Variants in CCBE1 observed in about 807,000 individuals in gnomAD.
CCBE1 encodes the protein collagen and calcium-binding EGF domain-containing protein 1.
In CCBE1, 37 loss-of-function variants were observed where a neutral mutation model predicts 50.0. The ratio of observed to expected loss-of-function variants is 0.74; its 90% confidence interval spans 0.57 to 0.97. The LOEUF is 0.97. CCBE1 is among the 50% of genes least tolerant of loss of function. The pLI, the probability that CCBE1 is intolerant of heterozygous loss-of-function variation, is 0.00. For synonymous variants in CCBE1, 234 were observed against 203.7 expected, an observed-to-expected ratio of 1.15 and a Z score of -1.27; for missense variants, 538 against 523.8, an observed-to-expected ratio of 1.03 and a Z score of -0.26.
At chr18:59,437,784 C>G (rs1910226897) in intron 10 of CCBE1, among the ~76,000 whole-genome samples, 1 of 152,182 alleles carries the variant, frequency 6.6e-6, no homozygotes, top group African/African-American at 2.4e-5. Flanking sequence ...CCATAGATTT[C>G]CTTCCTAGAC....
At chr18:59,515,125 G>A (rs1914312295) in intron 2 of CCBE1, among the ~76,000 whole-genome samples, 1 of 152,200 alleles carries the variant, frequency 6.6e-6, no homozygotes. Context: ...ACAACAAGAA[G>A]GGTAGGAAGA....
At chr18:59,679,986 G>A (rs1278906779) in intron 2 of CCBE1, among the ~76,000 whole-genome samples, 1 of 152,172 alleles carries the variant, frequency 6.6e-6, no homozygotes, top group African/African-American at 2.4e-5. Flanking sequence ...CACTTTGGGA[G>A]GCCGAGGCAG....
chr18:59,497,448 C>G (rs1913407584), intron 2 of CCBE1, among the ~76,000 whole-genome samples: 1 of 152,204 alleles, frequency 6.6e-6, no homozygotes, highest in African/African-American at 2.4e-5. Context: ...AAAAAGCACT[C>G]AGCCCATCAA....
chr18:59,596,707 G>C (rs886654945), intron 2 of CCBE1, among the ~76,000 whole-genome samples: 3 of 152,220 alleles, frequency 2.0e-5, no homozygotes, highest in African/African-American at 7.2e-5. Context: ...AGAGTCCTGA[G>C]AAACCTTCTG....
intron 5 of CCBE1, among the ~76,000 whole-genome samples, chr18:59,457,960 G>T (rs1325392323): frequency 6.6e-6 from 1 of 152,206 alleles, no homozygotes; most frequent in Non-Finnish European, 1.5e-5. Context: ...TGCAGGAAAT[G>T]GTGGGCTCCT....
At chr18:59,439,976 G>T (rs976408813) in intron 7 of CCBE1, among the ~76,000 whole-genome samples, 160 bp from the exon 8 acceptor site, 4 of 152,210 alleles carry the variant, frequency 2.6e-5, no homozygotes, top group Admixed American at 6.5e-5. Context: ...TTTTAAACTT[G>T]ATACGATCAA....
intron 2 of CCBE1, among the ~76,000 whole-genome samples, chr18:59,562,484 C>A (rs200427792): frequency 6.6e-6 from 1 of 150,376 alleles, no homozygotes; most frequent in East Asian, 2.0e-4. Context: ...GGAGAAATGA[C>A]ATAATGTGGG....
chr18:59,481,295 A>G (rs2143774306), intron 2 of CCBE1, among the ~76,000 whole-genome samples: 1 of 151,256 alleles, frequency 6.6e-6, no homozygotes, highest in Middle Eastern at 3.4e-3. Flanking sequence ...AGGAAAGAGA[A>G]AAAAAGACTT....
intron 6 of CCBE1, among the ~76,000 whole-genome samples, chr18:59,449,324 GA>G (rs1910820654): frequency 6.6e-6 from 1 of 152,076 alleles, no homozygotes; most frequent in African/African-American, 2.4e-5. Flanking sequence ...TAGACCAGCA[GA>G]AATGCTGTCT....
chr18:59,652,481 C>CT (rs35752064), intron 2 of CCBE1, among the ~76,000 whole-genome samples: 75,477 of 149,960 alleles, frequency 0.5, 19,547 homozygotes, highest in Non-Finnish European at 0.58. Context: ...GACTCCCCCC[C>CT]TTTTTTTTTA....
chr18:59,606,540 G>A (rs918411376), intron 2 of CCBE1, among the ~76,000 whole-genome samples: 4 of 152,118 alleles, frequency 2.6e-5, no homozygotes, highest in East Asian at 3.8e-4. Context: ...CATCCCGTCC[G>A]TATGTGACTC....
intron 2 of CCBE1, among the ~76,000 whole-genome samples, chr18:59,566,152 C>G (rs1228024639): frequency 6.6e-6 from 1 of 152,208 alleles, no homozygotes; most frequent in Non-Finnish European, 1.5e-5. Context: ...GGCAGCAGGT[C>G]AGGAAATCAA....
At chr18:59,607,019 G>C (rs894627645) in intron 2 of CCBE1, among the ~76,000 whole-genome samples, 1 of 139,914 alleles carries the variant, frequency 7.1e-6, no homozygotes, top group African/African-American at 2.7e-5. Flanking sequence ...CCTAGAGTAC[G>C]ACAGAGTAGG....
intron 2 of CCBE1, among the ~76,000 whole-genome samples, chr18:59,576,498 A>G (rs1195134276): frequency 6.6e-6 from 1 of 152,220 alleles, no homozygotes; most frequent in South Asian, 2.1e-4. Context: ...AATGCCTAAG[A>G]CTTGTGAAAA....
chr18:59,456,411 T>C (rs1362547142), intron 5 of CCBE1, among the ~76,000 whole-genome samples: 1 of 152,174 alleles, frequency 6.6e-6, no homozygotes, highest in Non-Finnish European at 1.5e-5. Flanking sequence ...TCCAATATGA[T>C]GGGTGTCTTT....
chr18:59,563,388 C>T (rs1212647762), intron 2 of CCBE1, among the ~76,000 whole-genome samples: 2 of 152,310 alleles, frequency 1.3e-5, no homozygotes, highest in Non-Finnish European at 2.9e-5. Context: ...TGGAAGCAGA[C>T]TATCAGTAGC....
intron 2 of CCBE1, among the ~76,000 whole-genome samples, chr18:59,672,097 A>G (rs1356640104): frequency 6.6e-6 from 1 of 152,202 alleles, no homozygotes; most frequent in Non-Finnish European, 1.5e-5. Flanking sequence ...CACAGGCTCT[A>G]AACTATTATG....
At chr18:59,572,430 CAT>C (rs1307794463) in intron 2 of CCBE1, among the ~76,000 whole-genome samples, 2 of 152,030 alleles carry the variant, frequency 1.3e-5, no homozygotes, top group African/African-American at 4.8e-5. Flanking sequence ...TTTTTTATAA[CAT>C]AATTAAAACC....
chr18:59,460,426 G>A (rs183133300), intron 5 of CCBE1, among the ~76,000 whole-genome samples: 22 of 152,328 alleles, frequency 1.4e-4, no homozygotes, highest in Admixed American at 1.4e-3. Flanking sequence ...TGACCATAAC[G>A]AAATATTGAG....
Sources: gnomAD v4.1 joint callset for allele counts (sites outside exome capture counted in the v4.1 genomes callset) on GRCh38, gnomAD v4.1.1 for gene constraint, MANE v1.5 for transcripts, NCBI Gene and HGNC (gene_info 2026-07-23, HGNC 2026-07-21) for gene names.